Variants in MYO19 observed in about 807,000 individuals in gnomAD.
MYO19 encodes the protein unconventional myosin-XIX.
MYO19 carries 132 observed loss-of-function variants against 129.2 expected under a neutral mutation model. The ratio of observed to expected loss-of-function variants is 1.02; its 90% CI spans 0.89 to 1.18. The LOEUF (loss-of-function observed/expected upper bound fraction) is 1.18, where lower values mean the gene tolerates loss of function less well. Among genes scored for constraint, MYO19 ranks in the 50% most tolerant of loss-of-function variants. The pLI is 0.00. For missense variants in MYO19, 1,210 were observed against 1,216.7 expected, an observed-to-expected ratio of 0.99 and a Z score of 0.08; for synonymous variants, 531 against 477.2, an observed-to-expected ratio of 1.11 and a Z score of -1.47.
chr17:36,514,004 G>T (rs1349364572), intron 9 of MYO19, among the ~76,000 whole-genome samples: 1 of 152,242 alleles, frequency 6.6e-6, no homozygotes, highest in Non-Finnish European at 1.5e-5. Context: ...CTTGACGTGG[G>T]AGGCATACCC....
intron 6 of MYO19, among the ~76,000 whole-genome samples, chr17:36,516,908 G>C (rs2072790863): frequency 6.6e-6 from 1 of 152,086 alleles, no homozygotes; most frequent in African/African-American, 2.4e-5. Context: ...TCTTCTGAAA[G>C]ACTTTATGTA....
intron 12 of MYO19, 198 bp downstream of exon 12, chr17:36,511,167 T>C: frequency 1.5e-6 from 1 of 672,922 alleles, no homozygotes; most frequent in Non-Finnish European, 2.5e-6. Flanking sequence ...ACTCATTTTC[T>C]CATCTTTAAG....
At chr17:36,535,232 G>T (rs58812000), upstream of MYO19, 139,880 of 152,094 alleles carry the variant, frequency 0.92, 64,524 homozygotes, top group East Asian at 0.99. Context: ...GTTGTGCGAG[G>T]CCGGCGGACA....
Position 36,528,158 on chromosome 17 carries a change from G to A in MYO19, c.57C>T (p.Tyr19=), listed in dbSNP as rs1189279289. ...GGAACTCCTGCAGGTCTTCTCTGAG[G>A]TACTCCCTGGCTTGGCCATCAGACC... ...NPGSDGQARE[Y]LREDLQEFLG... Residue 19 remains tyrosine, a synonymous_variant, in exon 4 of 26, where the codon TAC becomes TAT. Transcript: ENST00000614623. 6.2e-7 allele frequency: 1 copy of A among 1,608,578 alleles called. No individual in the cohort carries two copies. The highest frequency in any genetic ancestry group is 8.5e-7 in the Non-Finnish European group (1 of 1,177,426).
chr17:36,538,422 A>G, upstream of MYO19: 1 of 1,614,174 alleles, frequency 6.2e-7, no homozygotes, highest in Non-Finnish European at 8.5e-7. Context: ...TCTTTGTTTA[A>G]TCACAGCTCT....
At position 36,499,088 on chromosome 17, in the gene MYO19, C is replaced by T; in HGVS notation, c.2450G>A (p.Trp817Ter). 1.2e-6 allele frequency: 2 copies of T among 1,609,148 alleles called. No individual in the cohort carries two copies. Among genetic ancestry groups the T allele is most frequent in the Non-Finnish European group, 1.7e-6 (2 of 1,177,512 alleles). Residue 817 changes from tryptophan to a stop codon, truncating the protein, a stop_gained, in exon 24 of 26, where the codon TGG (tryptophan) becomes TAG (stop). Transcript: ENST00000614623. LOFTEE classifies it high-confidence loss of function. ...GGTCTTACTTACTCTCCACTTCTGC[C>T]ATGCACGCTTGATGACTGTGGCAGC... ...HAAATVIKRA[W>*]QKWRIRMACL... is the part of the protein sequence containing the mutation.
Position 36,509,078 on chromosome 17 carries a change from C to A in MYO19, c.1215G>T (p.Ser405=), listed in dbSNP as rs752028039. Residue 405 remains serine (S), a synonymous_variant, in exon 14 of 26, where the codon TCG becomes TCT. Transcript: ENST00000614623. Reference sequence around the variant, plus strand: ...CCTTGCTACCTATGAAAGTGGTCCACGAGTCGGTGTCTGCACAGATGCTGC... The same window carrying A: ...CCTTGCTACCTATGAAAGTGGTCCAAGAGTCGGTGTCTGCACAGATGCTGC... ...INSSICADTD[S]WTTFIGLLDV... is the part of the protein sequence containing the mutation. The A allele has an allele frequency of 1.9e-6, 3 of 1,613,724 alleles. No homozygotes were observed. Among genetic ancestry groups the A allele is most frequent in the Middle Eastern group, 1.6e-4 (1 of 6,062 alleles).
At position 36,513,596 on chromosome 17, in the gene MYO19, T is replaced by C. The variant is rs749279063; in HGVS notation, c.817+33A>G. The C allele has an allele frequency of 3.7e-6, 6 of 1,613,614 alleles. No individual in the cohort carries two copies. In the East Asian group the frequency reaches 6.7e-5, roughly 18 times the overall value. Reference sequence around the variant, plus strand: ...TACAGAGTGGGTGGGTGATGCTGGGTCAGCGCAAGGTGCTGGATGGGGCTC... The same window carrying C: ...TACAGAGTGGGTGGGTGATGCTGGGCCAGCGCAAGGTGCTGGATGGGGCTC... On this transcript the variant is annotated intron_variant, in intron 10 of 25. Transcript: ENST00000614623.
chr17:36,509,368 A>T, intron 13 of MYO19: 1 of 579,530 alleles, frequency 1.7e-6, no homozygotes, highest in South Asian at 2.0e-5. Flanking sequence ...GCATGTCCTT[A>T]TGGGAAGACT....
At position 36,511,434 on chromosome 17, in the gene MYO19, G is replaced by A; in HGVS notation, c.916C>T (p.Leu306Phe). The A allele has an allele frequency of 6.4e-7, 1 of 1,566,274 alleles. No homozygotes were observed. The highest frequency in any genetic ancestry group is 8.7e-7 in the Non-Finnish European group (1 of 1,155,576). Reference sequence around the variant, plus strand: ...GAGGCAGCAAACTGGATATTGCCAAGGTGCAGCAGTCCAGCTAGGACCTGG... The same window carrying A: ...GAGGCAGCAAACTGGATATTGCCAAAGTGCAGCAGTCCAGCTAGGACCTGG... Reference protein sequence around the residue: ...IFKVLAGLLHLGNIQFAASED... With the variant: ...IFKVLAGLLHFGNIQFAASED... Residue 306 changes from leucine (L) to phenylalanine (F), a missense_variant, in exon 12 of 26, where the codon CTT (leucine) becomes TTT (phenylalanine). Coordinates refer to ENST00000614623, the MANE Select transcript of MYO19 (RefSeq NM_001163735.2).
At chr17:36,539,933 G>A (rs1309833087) in intron 2 of MYO19, among the ~76,000 whole-genome samples, 2 of 151,212 alleles carry the variant, frequency 1.3e-5, no homozygotes, top group Non-Finnish European at 2.9e-5. Flanking sequence ...GGGATGAGGA[G>A]TTATAAAGTC....
chr17:36,528,108 T>C lies in MYO19; in HGVS notation c.107A>G (p.Lys36Arg). ...ATTCACCCTGGTGAGGTCATCCAGTTTGTACAGCAGGACCTCCCCACCCAG... is the reference window on the plus strand; with the variant it reads ...ATTCACCCTGGTGAGGTCATCCAGTCTGTACAGCAGGACCTCCCCACCCAG... ...EFLGGEVLLY[K>R]LDDLTRVNPV... Residue 36 changes from lysine to arginine, a missense_variant, in exon 4 of 26, where the codon AAA (lysine) becomes AGA (arginine). Transcript: ENST00000614623. 4 of 1,613,944 alleles carry C rather than the reference T, an allele frequency of 2.5e-6. No individual in the cohort carries two copies. The highest frequency in any genetic ancestry group is 3.4e-6 in the Non-Finnish European group (4 of 1,179,870).
rs570666721 is a variant in MYO19, at chr17:36,498,808, T to C, written c.2464-249A>G. 7.5e-4 allele frequency: 444 copies of C among 595,694 alleles called. 5 individuals carry two copies. Among genetic ancestry groups the C allele is most frequent in the Non-Finnish European group, 1.4e-4 (48 of 336,024 alleles). 36.9% of individuals were successfully genotyped at this position (595,694 alleles called of 1,614,324 possible). On this transcript the variant is annotated intron_variant, in intron 24 of 25. Coordinates refer to ENST00000614623, the MANE Select transcript of MYO19 (RefSeq NM_001163735.2). ...AGAGTCCATCAAGATATAACTGATA[T>C]GCCATAAAACCCAGTCTTCTAAAGT...
At chr17:36,532,995 T>C (rs1249524759) in intron 2 of MYO19, among the ~76,000 whole-genome samples, 1 of 152,130 alleles carries the variant, frequency 6.6e-6, no homozygotes, top group Non-Finnish European at 1.5e-5. Flanking sequence ...CCCTATCCTC[T>C]ACATTAGACA....
chr17:36,507,464 C>T lies in MYO19; in HGVS notation c.1402G>A (p.Asp468Asn). 6.2e-7 allele frequency: 1 copy of T among 1,613,710 alleles called. No homozygotes were observed. Among genetic ancestry groups the T allele is most frequent in the South Asian group, 1.1e-5 (1 of 91,066 alleles). ...ATGAGATCCAAACAGGGCTGGTTGT[C>T]CTGGTAGTTGATGAATGACCACTCC... is the stretch of plus-strand genomic sequence containing the variant. ...GLEWSFINYQ[D>N]NQPCLDLIEG... Residue 468 changes from aspartate to asparagine, a missense_variant, in exon 16 of 26, where the codon GAC becomes AAC. Transcript: ENST00000614623.
chr17:36,533,127 G>C (rs568909426), intron 2 of MYO19: 1 of 153,044 alleles, frequency 6.5e-6, no homozygotes, highest in Non-Finnish European at 1.5e-5. Flanking sequence ...GTGTGATCCT[G>C]GGTCAGGCAC....
chr17:36,507,972 G>C, intron 14 of MYO19, 48 bp from the exon 15 acceptor site: 1 of 1,525,650 alleles, frequency 6.6e-7, no homozygotes, highest in Non-Finnish European at 8.8e-7. Context: ...GGAGCAGATG[G>C]GGAATAGGGG....
chr17:36,503,014 G>T (rs1474713177), intron 21 of MYO19, 83 bp downstream of exon 21: 2 of 1,179,580 alleles, frequency 1.7e-6, no homozygotes, highest in Non-Finnish European at 2.5e-6. Flanking sequence ...GTAAGCCCCA[G>T]CCCCTAGCCC....
At chr17:36,537,486 A>G (rs769522741), upstream of MYO19, 38 of 1,613,836 alleles carry the variant, frequency 2.4e-5, 1 homozygote, top group South Asian at 3.3e-4. Context: ...CAATCCAGCC[A>G]TCTCCTGTTT....
Sources: allele counts gnomAD v4.1 joint callset (sites outside exome capture counted in the v4.1 genomes callset), GRCh38; gene constraint gnomAD v4.1.1; transcripts MANE v1.5; gene names NCBI Gene and HGNC (gene_info 2026-07-23, HGNC 2026-07-21).